VCAN: variants seen among roughly 807,000 people sequenced by gnomAD.
VCAN encodes versican.
Under a neutral mutation model 245.5 loss-of-function variants are expected in VCAN, and 44 were observed. That is an observed-to-expected ratio of 0.18 (90% CI 0.14 to 0.23). VCAN has a LOEUF of 0.23. VCAN is among the 10% of genes least tolerant of loss of function. The pLI is 1.00. For missense variants in VCAN, 3,793 were observed against 4,057.9 expected, an observed-to-expected ratio of 0.93 and a Z score of 1.77; for synonymous variants, 1,413 against 1,437.0, an observed-to-expected ratio of 0.98 and a Z score of 0.38.
intron 12 of VCAN, 25 bp from the exon 13 acceptor site, chr5:83,572,391 T>C (rs2112499235): frequency 6.2e-7 from 1 of 1,613,732 alleles, no homozygotes. Context: ...TAGCAAGTAG[T>C]TACCTTCTCC....
At chr5:83,472,849 G>T (rs907618374) in intron 1 of VCAN, among the ~76,000 whole-genome samples, 3 of 152,272 alleles carry the variant, frequency 2.0e-5, no homozygotes, top group African/African-American at 7.2e-5. Flanking sequence ...GTTCTGAATC[G>T]GCAGGGATGT....
At chr5:83,536,709 T>C (rs1344926209) in intron 7 of VCAN, 3 of 210,720 alleles carry the variant, frequency 1.4e-5, no homozygotes, top group African/African-American at 6.9e-5. Context: ...CACTTCAAGA[T>C]TACATTGTAT....
At chr5:83,494,388 A>G (rs1007598697) in intron 5 of VCAN, among the ~76,000 whole-genome samples, 6 of 152,230 alleles carry the variant, frequency 3.9e-5, no homozygotes, top group African/African-American at 1.4e-4. Context: ...TTATTTTGTT[A>G]CACTAATATT....
chr5:83,512,179 C>A lies in VCAN; in HGVS notation c.825C>A (p.Ala275=), dbSNP rs1308286695. 2 of 1,614,114 alleles carry A rather than the reference C, an allele frequency of 1.2e-6. No homozygotes were observed. Among genetic ancestry groups the A allele is most frequent in the Admixed American group, 1.7e-5 (1 of 60,022 alleles). ...EAAKECENQD[A]RLATVGELQA... is the part of the protein sequence containing the mutation. ...CAAAAGAGTGTGAAAACCAGGATGC[C>A]AGGCTGGCAACAGTGGGGGAACTCC... The change falls in exon 6 of 15, where the codon GCC becomes GCA. Residue 275 remains alanine (A), a synonymous_variant. Coordinates refer to ENST00000265077, the MANE Select transcript of VCAN (RefSeq NM_004385.5).
rs1043895502 is a variant in VCAN, at chr5:83,541,911, G to A, written c.8908G>A (p.Gly2970Ser). 3.7e-6 allele frequency: 6 copies of A among 1,613,962 alleles called. No homozygotes were observed. The African/African-American group carries it at 6.7e-5, about 18-fold the overall frequency. ...ITTADEIELEGATQWPHSTSA... is the reference protein window; with the variant it reads ...ITTADEIELESATQWPHSTSA... Reference sequence around the variant, plus strand: ...AACTGCCGATGAAATTGAATTAGAAGGTGCTACACAGTGGCCACACTCTAC... The same window carrying A: ...AACTGCCGATGAAATTGAATTAGAAAGTGCTACACAGTGGCCACACTCTAC... The change falls in exon 8 of 15, where the codon GGT (glycine) becomes AGT (serine). Residue 2970 changes from glycine to serine, a missense_variant. This residue lies in a region of VCAN where 3,182 missense variants were observed against 3,250.3 expected (regional missense o/e 0.98). Transcript: ENST00000265077.
chr5:83,532,206 A>G (rs947359648), intron 7 of VCAN, among the ~76,000 whole-genome samples: 2 of 152,210 alleles, frequency 1.3e-5, no homozygotes, highest in East Asian at 1.9e-4. Flanking sequence ...CTGGTTTGCA[A>G]TAATCTCTGT....
At chr5:83,480,678 A>G (rs988569780) in intron 1 of VCAN, among the ~76,000 whole-genome samples, 1 of 152,204 alleles carries the variant, frequency 6.6e-6, no homozygotes, top group East Asian at 1.9e-4. Context: ...CCAGAAGCCT[A>G]CTGTTCTACA....
chr5:83,539,325 CAAG>C lies in VCAN; in HGVS notation c.6325_6327del (p.Glu2109del). ...TAGGCAAGAAGTCAACCCTGTAAGACAAGAAATTGAAAGTGAAACAACATCAGA... is the reference window on the plus strand; with the variant it reads ...TAGGCAAGAAGTCAACCCTGTAAGACAAATTGAAAGTGAAACAACATCAGA... On this transcript the variant is annotated inframe_deletion, in exon 8 of 15. Transcript: ENST00000265077. 1 of 1,614,030 alleles carries C rather than the reference CAAG, an allele frequency of 6.2e-7. No homozygotes were observed. Among genetic ancestry groups the C allele is most frequent in the East Asian group, 2.2e-5 (1 of 44,864 alleles).
At chr5:83,550,024 C>T (rs1220290949) in intron 10 of VCAN, among the ~76,000 whole-genome samples, 4 of 152,190 alleles carry the variant, frequency 2.6e-5, no homozygotes, top group African/African-American at 7.2e-5. Flanking sequence ...ATAGGGGACA[C>T]ATTTTGGTGC....
At chr5:83,563,198 A>G (rs1467940906) in intron 12 of VCAN, among the ~76,000 whole-genome samples, 1 of 152,184 alleles carries the variant, frequency 6.6e-6, no homozygotes, top group African/African-American at 2.4e-5. Flanking sequence ...ACCCTGTTCA[A>G]CTAAAAGACA....
Position 83,512,209 on chromosome 5 carries a change from G to C in VCAN, c.855G>C (p.Ala285=). The change falls in exon 6 of 15, where the codon GCG becomes GCC. Residue 285 remains alanine (A), a synonymous_variant. Coordinates refer to ENST00000265077, the MANE Select transcript of VCAN (RefSeq NM_004385.5). The part of the protein sequence containing the change: ...ARLATVGELQ[A]AWRNGFDQCD... ...TGGCAACAGTGGGGGAACTCCAGGC[G>C]GCATGGAGGAACGGCTTTGACCAGT... The C allele has an allele frequency of 6.2e-7, 1 of 1,614,160 alleles. No individual in the cohort carries two copies. The highest frequency in any genetic ancestry group is 1.1e-5 in the South Asian group (1 of 91,084).
intron 5 of VCAN, among the ~76,000 whole-genome samples, chr5:83,500,320 A>G (rs1316569066): frequency 6.6e-6 from 1 of 152,158 alleles, no homozygotes; most frequent in African/African-American, 2.4e-5. Flanking sequence ...TCCTATATAG[A>G]CTTTGGAGAT....
chr5:83,566,596 G>A (rs182779993), intron 12 of VCAN, among the ~76,000 whole-genome samples: 1 of 151,770 alleles, frequency 6.6e-6, no homozygotes, highest in Admixed American at 6.6e-5. Flanking sequence ...TTTTTTTCCT[G>A]GTATGTTGAC....
At chr5:83,544,287 G>A (rs1747116195) in intron 8 of VCAN, among the ~76,000 whole-genome samples, 2 of 152,216 alleles carry the variant, frequency 1.3e-5, no homozygotes, top group Non-Finnish European at 1.5e-5. Flanking sequence ...TTTTGGAGAA[G>A]TTGATGTACT....
At chr5:83,507,524 T>A (rs1232265413) in intron 5 of VCAN, among the ~76,000 whole-genome samples, 2 of 152,224 alleles carry the variant, frequency 1.3e-5, no homozygotes, top group Non-Finnish European at 2.9e-5. Flanking sequence ...GTTGGGCCAA[T>A]TAAATCATGT....
intron 10 of VCAN, among the ~76,000 whole-genome samples, chr5:83,550,347 C>T (rs1747411283): frequency 6.6e-6 from 1 of 152,096 alleles, no homozygotes; most frequent in Admixed American, 6.6e-5. Flanking sequence ...TTTTTTGTAA[C>T]CTCTTTAAAA....
rs549423566 is a variant in VCAN, at chr5:83,501,677, T to A, written c.748+7746T>A. ...CTATCTTTATGCCAGTACCACAATG[T>A]CTTTATTACAATTGCTTTGTAGTAA... On this transcript the variant is annotated intron_variant, in intron 5 of 14. Coordinates refer to ENST00000265077, the MANE Select transcript of VCAN (RefSeq NM_004385.5). Among the ~76,000 whole-genome samples the A allele has an allele frequency of 2.0e-4, 31 of 152,334 alleles. No individual in the cohort carries two copies. The East Asian group carries it at 5.2e-3, about 26-fold the overall frequency.
chr5:83,565,030 T>A (rs1748021533), intron 12 of VCAN, among the ~76,000 whole-genome samples: 1 of 151,226 alleles, frequency 6.6e-6, no homozygotes, highest in East Asian at 2.0e-4. Context: ...AGAGAGAGAG[T>A]TGGAAAGTAG....
chr5:83,544,136 T>A (rs1261639194), intron 8 of VCAN, among the ~76,000 whole-genome samples: 1 of 152,250 alleles, frequency 6.6e-6, no homozygotes, highest in Non-Finnish European at 1.5e-5. Flanking sequence ...AGCATGTGGC[T>A]ATGGCGTGTG....
Sources: gnomAD v4.1 joint callset for allele counts (sites outside exome capture counted in the v4.1 genomes callset) on GRCh38, gnomAD v4.1.1 for gene constraint, gnomAD v4.1.1 regional missense constraint, MANE v1.5 for transcripts, NCBI Gene and HGNC (gene_info 2026-07-23, HGNC 2026-07-21) for gene names.